Variants in RSRC1 observed in about 807,000 individuals in gnomAD.
RSRC1 encodes the protein serine/Arginine-related protein 53.
Under a neutral mutation model 49.1 loss-of-function variants are expected in RSRC1, and 39 were observed. That is an observed-to-expected ratio of 0.79 (90% CI 0.61 to 1.04). The LOEUF (loss-of-function observed/expected upper bound fraction) is 1.04, where lower values mean the gene tolerates loss of function less well. Among genes scored for constraint, RSRC1 ranks in the 50% least tolerant of loss-of-function variants. The pLI is 0.00. For synonymous variants in RSRC1, 143 were observed against 130.8 expected, an observed-to-expected ratio of 1.09 and a Z score of -0.63; for missense variants, 388 against 402.4, an observed-to-expected ratio of 0.96 and a Z score of 0.31.
intron 6 of RSRC1, among the ~76,000 whole-genome samples, chr3:158,358,249 T>G (rs1578382937): frequency 6.6e-6 from 1 of 152,240 alleles, no homozygotes; most frequent in Admixed American, 6.5e-5. Flanking sequence ...GGTTCAAAAC[T>G]TTGAACATTT....
At chr3:158,236,485 A>C (rs1262075018) in intron 4 of RSRC1, among the ~76,000 whole-genome samples, 1 of 152,214 alleles carries the variant, frequency 6.6e-6, no homozygotes, top group Non-Finnish European at 1.5e-5. Context: ...GGCCCCCAGC[A>C]TCCAGAAGCA....
chr3:158,180,393 CTTTTTT>C lies in RSRC1; in HGVS notation c.321-22661_321-22656del, dbSNP rs1163298458. Among the ~76,000 whole-genome samples, 39 of 38,494 alleles carry C rather than the reference CTTTTTT, an allele frequency of 1.0e-3. 1 individual carries two copies. Among genetic ancestry groups the C allele is most frequent in the East Asian group, 5.5e-3 (7 of 1,270 alleles). 25.3% of individuals were successfully genotyped at this position (38,494 alleles called of 152,430 possible). A position where few individuals can be genotyped will look rare whatever the true frequency, so the allele number is the denominator to read the frequency against. On this transcript the variant is annotated intron_variant, in intron 3 of 9. Transcript: ENST00000611884. ...AAAGTATGAGGTTTAGGTCGAGGTT[CTTTTTT>C]TTTTTTTTTTTTTTTTTGCCGTGTG...
intron 6 of RSRC1, among the ~76,000 whole-genome samples, chr3:158,376,438 A>C (rs959097451): frequency 2.0e-5 from 3 of 152,076 alleles, no homozygotes; most frequent in Non-Finnish European, 2.9e-5. Flanking sequence ...CTGGGATTAC[A>C]GGTGTGAGCT....
At chr3:158,215,774 T>A (rs1438321284) in intron 4 of RSRC1, among the ~76,000 whole-genome samples, 2 of 151,848 alleles carry the variant, frequency 1.3e-5, no homozygotes, top group East Asian at 3.9e-4. Flanking sequence ...TAGCCTTTAA[T>A]CCTTAATTCT....
chr3:158,222,351 A>G (rs1490784325), intron 4 of RSRC1, among the ~76,000 whole-genome samples: 1 of 151,586 alleles, frequency 6.6e-6, no homozygotes, highest in Non-Finnish European at 1.5e-5. Flanking sequence ...CATGGTGACT[A>G]TAGTTAATAG....
intron 4 of RSRC1, among the ~76,000 whole-genome samples, chr3:158,212,098 G>A (rs1409808097): frequency 6.6e-6 from 1 of 151,802 alleles, no homozygotes; most frequent in Non-Finnish European, 1.5e-5. Context: ...TCTGAACAGA[G>A]TTTTGTAATG....
chr3:158,401,288 G>A (rs971589260), intron 6 of RSRC1, among the ~76,000 whole-genome samples: 1 of 152,000 alleles, frequency 6.6e-6, no homozygotes, highest in African/African-American at 2.4e-5. Context: ...CAGGGAAGGA[G>A]AATATCATCA....
At chr3:158,149,003 C>T (rs1244259006) in intron 3 of RSRC1, among the ~76,000 whole-genome samples, 12 of 152,088 alleles carry the variant, frequency 7.9e-5, no homozygotes, top group African/African-American at 2.4e-4. Flanking sequence ...AGGCTGGTCT[C>T]GAACTCCTGA....
Position 158,118,048 on chromosome 3 carries a change from C to G in RSRC1, c.-2-4055C>G, listed in dbSNP as rs1028997766. ...CACTGTAGCCTCGCCCACTTGGGCT[C>G]CGGTGATCCTCCTGCCTCAGTCTCC... On this transcript the variant is annotated intron_variant, in intron 1 of 9. Coordinates refer to ENST00000611884, the MANE Select transcript of RSRC1 (RefSeq NM_001271838.2). 2.6e-5 allele frequency among the ~76,000 whole-genome samples: 4 copies of G among 152,160 alleles called. No individual in the cohort carries two copies. In the South Asian group the frequency reaches 8.3e-4, roughly 32 times the overall value.
At chr3:158,261,110 G>A (rs1354369825) in intron 4 of RSRC1, among the ~76,000 whole-genome samples, 1 of 152,166 alleles carries the variant, frequency 6.6e-6, no homozygotes, top group Non-Finnish European at 1.5e-5. Context: ...CTGCCAGGGG[G>A]ATGATCACTG....
chr3:158,441,063 T>G (rs1300182731), intron 6 of RSRC1, among the ~76,000 whole-genome samples: 1 of 152,168 alleles, frequency 6.6e-6, no homozygotes, highest in East Asian at 1.9e-4. Flanking sequence ...CTGCTTAACT[T>G]ATAGGTCTTA....
At chr3:158,182,013 G>A (rs1719647323) in intron 3 of RSRC1, among the ~76,000 whole-genome samples, 2 of 152,144 alleles carry the variant, frequency 1.3e-5, no homozygotes, top group South Asian at 4.1e-4. Context: ...TTTATAGTAT[G>A]TTGGGTCTAG....
intron 5 of RSRC1, among the ~76,000 whole-genome samples, chr3:158,325,709 C>T (rs931453480): frequency 2.0e-4 from 31 of 152,078 alleles, no homozygotes; most frequent in African/African-American, 4.1e-4. Context: ...CTTGGCAATG[C>T]GGGCTCTTTT....
chr3:158,267,858 CTA>C (rs1177916165), intron 4 of RSRC1, among the ~76,000 whole-genome samples: 23 of 91,202 alleles, frequency 2.5e-4, no homozygotes, highest in East Asian at 1.1e-3. Flanking sequence ...GTTTCCATAT[CTA>C]TTTTTTTTTT....
chr3:158,122,738 C>T (rs1024206471), intron 2 of RSRC1, among the ~76,000 whole-genome samples: 3 of 151,770 alleles, frequency 2.0e-5, no homozygotes, highest in Non-Finnish European at 4.4e-5. Flanking sequence ...TAGCCCCCCA[C>T]CCCATGACAG....
At chr3:158,318,028 T>A (rs6797846) in intron 5 of RSRC1, among the ~76,000 whole-genome samples, 2 of 47,222 alleles carry the variant, frequency 4.2e-5, no homozygotes. Context: ...TGTGTGTGCG[T>A]GTGTGTGTGT....
At chr3:158,526,190 C>T (rs1712011875) in intron 7 of RSRC1, among the ~76,000 whole-genome samples, 1 of 151,900 alleles carries the variant, frequency 6.6e-6, no homozygotes, top group Admixed American at 6.6e-5. Flanking sequence ...CTTCTACCAT[C>T]CTCCCTACCC....
chr3:158,426,199 T>A lies in RSRC1; in HGVS notation c.584-34736T>A, dbSNP rs551232738. Among the ~76,000 whole-genome samples, 43 of 151,838 alleles carry A rather than the reference T, an allele frequency of 2.8e-4. 1 individual carries two copies. In the South Asian group the frequency reaches 8.5e-3, roughly 30 times the overall value. On this transcript the variant is annotated intron_variant, in intron 6 of 9. Coordinates refer to ENST00000611884, the MANE Select transcript of RSRC1 (RefSeq NM_001271838.2). ...GATTTCTTAAACAAGACAAAGTATT[T>A]AAAAATACCCATTTAAAATATTATA...
intron 3 of RSRC1, among the ~76,000 whole-genome samples, chr3:158,145,683 C>G (rs1226049499): frequency 6.6e-6 from 1 of 152,080 alleles, no homozygotes; most frequent in Non-Finnish European, 1.5e-5. Flanking sequence ...TCATTGGCAG[C>G]TTGATGGGGA....
Sources: gnomAD v4.1 joint callset for allele counts (sites outside exome capture counted in the v4.1 genomes callset) on GRCh38, gnomAD v4.1.1 for gene constraint, MANE v1.5 for transcripts, NCBI Gene and HGNC (gene_info 2026-07-23, HGNC 2026-07-21) for gene names.